NOTCH4: variants seen among roughly 807,000 people sequenced by gnomAD.
NOTCH4 encodes neurogenic locus notch homolog protein 4.
A neutral mutation model predicts 189.0 loss-of-function variants in NOTCH4; 138 were observed. That is an observed-to-expected ratio of 0.73 (90% CI 0.64 to 0.84). The LOEUF (loss-of-function observed/expected upper bound fraction) is 0.84. Ranked by LOEUF, NOTCH4 falls within the 40% of genes least tolerant of loss-of-function variation. NOTCH4 has a pLI of 0.00. For synonymous variants in NOTCH4, 942 were observed against 1,032.8 expected (o/e 0.91, Z 1.69); for missense variants, 2,286 against 2,605.4 (o/e 0.88, Z 2.67).
Position 32,201,283 on chromosome 6 carries a change from C to T in NOTCH4, c.3973G>A (p.Val1325Ile). The change falls in exon 22 of 30, where the codon GTA (valine) becomes ATA (isoleucine). Residue 1325 changes from valine (V) to isoleucine (I), a missense_variant. By Grantham distance (29) the Val-to-Ile change is conservative. Around this residue, in one of 2 missense-constraint regions of NOTCH4, gnomAD observed 1,903 missense variants for 2,261.9 expected, o/e 0.84. Transcript: ENST00000375023. This position sits in a 1 kb window ranked among gnomAD's most constrained non-coding sequence, Gnocchi z 5.5. ...CGATCCTTCCTTACCCAGAGTCCTACCCTCAGAGTCAGGGACAGCACCCGG... is the reference window on the plus strand; with the variant it reads ...CGATCCTTCCTTACCCAGAGTCCTATCCTCAGAGTCAGGGACAGCACCCGG... The part of the protein sequence containing the change: ...LARVLSLTLR[V>I]GLWVRKDRDG... 1 of 1,613,048 alleles carries T rather than the reference C, an allele frequency of 6.2e-7. No homozygotes were observed. Among genetic ancestry groups the T allele is most frequent in the Non-Finnish European group, 8.5e-7 (1 of 1,180,026 alleles).
At chr6:32,215,200 G>T in intron 12 of NOTCH4, 26 bp downstream of exon 12, 1 of 1,567,066 alleles carries the variant, frequency 6.4e-7, no homozygotes, top group Non-Finnish European at 8.6e-7. Context: ...GGAGGGGGCA[G>T]ATGGGGAGGG....
chr6:32,220,516 T>G lies in NOTCH4; in HGVS notation c.1048A>C (p.Thr350Pro). The change falls in exon 6 of 30, where the codon ACA becomes CCA. Residue 350 changes from threonine to proline, a missense_variant. Transcript: ENST00000375023. The stretch of plus-strand genomic sequence containing the variant: ...TCATCCAGGTTCTCCTCACAGCTTG[T>G]GCCGCCCCAGCCACTCACACACACG... ...HCVCVSGWGGTSCEENLDDCI... is the reference protein window; with the variant it reads ...HCVCVSGWGGPSCEENLDDCI... The G allele has an allele frequency of 6.2e-7, 1 of 1,613,452 alleles. No individual in the cohort carries two copies. The highest frequency in any genetic ancestry group is 8.5e-7 in the Non-Finnish European group (1 of 1,180,018).
chr6:32,216,703 C>T (rs1029664426), intron 11 of NOTCH4: 14 of 603,804 alleles, frequency 2.3e-5, no homozygotes, highest in East Asian at 5.6e-5. Flanking sequence ...CTTTGAGCCC[C>T]GTCCTCTGCT....
chr6:32,209,653 G>A (rs997306371), intron 18 of NOTCH4, among the ~76,000 whole-genome samples: 9 of 152,062 alleles, frequency 5.9e-5, no homozygotes, highest in African/African-American at 1.9e-4. Flanking sequence ...CAGGCTGAGC[G>A]GGTGGATCAC....
chr6:32,222,895 C>T (rs2127491568), intron 2 of NOTCH4, 89 bp from the exon 3 acceptor site: 1 of 1,558,566 alleles, frequency 6.4e-7, no homozygotes, highest in Non-Finnish European at 8.8e-7. Context: ...TGTTTCCCTT[C>T]ATCTCCTTCA....
At position 32,199,898 on chromosome 6, in the gene NOTCH4, A is replaced by T. The variant is rs1174911546; in HGVS notation, c.4316-753T>A. Reference sequence around the variant, plus strand: ...TGTCTCAGAAAACAAACACACAAAAAAAGGCTGAGTATCCATAACCCCAAT... The same window carrying T: ...TGTCTCAGAAAACAAACACACAAAATAAGGCTGAGTATCCATAACCCCAAT... On this transcript the variant is annotated intron_variant, in intron 23 of 29. Coordinates refer to ENST00000375023, the MANE Select transcript of NOTCH4 (RefSeq NM_004557.4). The surrounding 1 kb of genome is among the most constrained non-coding windows in gnomAD (Gnocchi z 4.9). Among the ~76,000 whole-genome samples the T allele has an allele frequency of 5.9e-5, 9 of 152,112 alleles. No individual in the cohort carries two copies. Among genetic ancestry groups the T allele is most frequent in the Non-Finnish European group, 1.3e-4 (9 of 68,032 alleles).
At chr6:32,218,165 G>T (rs2127484408) in intron 8 of NOTCH4, 57 bp from the exon 9 acceptor site, 2 of 1,173,808 alleles carry the variant, frequency 1.7e-6, no homozygotes, top group East Asian at 2.5e-5. Context: ...TGGGAGACCT[G>T]TGTTCTAGAA....
chr6:32,220,315 A>G, intron 6 of NOTCH4, 31 bp from the exon 7 acceptor site: 1 of 1,609,608 alleles, frequency 6.2e-7, no homozygotes, highest in Non-Finnish European at 8.5e-7. Flanking sequence ...GAGGCTCTCA[A>G]AGGCCACTTG....
Position 32,195,740 on chromosome 6 carries a change from T to C in NOTCH4, c.5709A>G (p.Val1903=). The stretch of plus-strand genomic sequence containing the variant: ...GAGGGGTCGGGCCTCCTCCTGCTCC[T>C]ACTCCCGAGAGGCTCCGGCAATGAG... ...AYSHCRSLSG[V]GAGGGPTPRG... The change falls in exon 30 of 30, where the codon GTA becomes GTG. Residue 1903 remains valine (V), a synonymous_variant. Transcript: ENST00000375023. The surrounding 1 kb of genome is among the most constrained non-coding windows in gnomAD (Gnocchi z 5.4). 1 of 1,612,530 alleles carries C rather than the reference T, an allele frequency of 6.2e-7. No individual in the cohort carries two copies. The highest frequency in any genetic ancestry group is 8.5e-7 in the Non-Finnish European group (1 of 1,179,886).
At chr6:32,204,900 C>A (rs575409732) in intron 18 of NOTCH4, among the ~76,000 whole-genome samples, 7 of 152,278 alleles carry the variant, frequency 4.6e-5, no homozygotes, top group African/African-American at 1.7e-4. Flanking sequence ...TGGGTTATCT[C>A]ATTCGATTTT....
At position 32,212,175 on chromosome 6, in the gene NOTCH4, A is replaced by G. The variant is rs540935524; in HGVS notation, c.2680+299T>C. On this transcript the variant is annotated intron_variant, in intron 17 of 29. Transcript: ENST00000375023. The surrounding 1 kb of genome is among the most constrained non-coding windows in gnomAD (Gnocchi z 4.4). ...CTCTGCCTGGGTTATGATGATCAGG[A>G]CAGAGTTGAGTTGCTCCACGTTGAG... Among the ~76,000 whole-genome samples, 1 of 152,310 alleles carries G rather than the reference A, an allele frequency of 6.6e-6. No homozygotes were observed. Among genetic ancestry groups the G allele is most frequent in the South Asian group, 2.1e-4 (1 of 4,828 alleles).
rs775494392 is a variant in NOTCH4 at position 32,195,865 on chromosome 6, G to A, written c.5584C>T (p.Arg1862Trp). 6.3e-7 allele frequency: 1 copy of A among 1,594,402 alleles called. No homozygotes were observed. Among genetic ancestry groups the A allele is most frequent in the Non-Finnish European group, 8.5e-7 (1 of 1,177,332 alleles). The change falls in exon 30 of 30, where the codon CGG becomes TGG. Residue 1862 changes from arginine (R) to tryptophan (W), a missense_variant. Arg to Trp is a moderately radical substitution (Grantham distance 101). Transcript: ENST00000375023. The surrounding 1 kb of genome is among the most constrained non-coding windows in gnomAD (Gnocchi z 5.4). ...GGGCCTGCTCCGGCTGACAGCGTCC[G>A]GCAGCGCGGCAGAGCCCCGCCCCCA... The part of the protein sequence containing the change: ...PHGGGALPRC[R>W]TLSAGAGPRG...
chr6:32,196,479 G>T (rs1162922843), intron 28 of NOTCH4, 58 bp from the exon 29 acceptor site: 2 of 1,592,444 alleles, frequency 1.3e-6, no homozygotes, highest in Non-Finnish European at 8.5e-7. Context: ...CTGGGTTCCG[G>T]TTTCCCACGG....
At position 32,195,783 on chromosome 6, in the gene NOTCH4, C is replaced by A. The variant is rs1387916521; in HGVS notation, c.5666G>T (p.Arg1889Leu). 1.2e-6 allele frequency: 2 copies of A among 1,606,928 alleles called. No homozygotes were observed. The highest frequency in any genetic ancestry group is 1.3e-5 in the African/African-American group (1 of 74,906). Residue 1889 changes from arginine (R) to leucine (L), a missense_variant, in exon 30 of 30, where the codon CGG (arginine) becomes CTG (leucine). Physicochemically the swap from Arg to Leu is moderately radical, Grantham distance 102 (BLOSUM62 -2). Transcript: ENST00000375023. This position sits in a 1 kb window ranked among gnomAD's most constrained non-coding sequence, Gnocchi z 5.4. ...ARTWSVDLAA[R>L]GGGAYSHCRS... ...GCAATGAGAATAGGCCCCGCCCCCC[C>A]GCGCAGCCAAGTCTACGGACCAAGT... is the stretch of plus-strand genomic sequence containing the variant.
At chr6:32,205,095 G>A (rs1458778508) in intron 18 of NOTCH4, among the ~76,000 whole-genome samples, 1 of 152,160 alleles carries the variant, frequency 6.6e-6, no homozygotes, top group Non-Finnish European at 1.5e-5. Context: ...TCTGTACCAC[G>A]TGCTGGCTTC....
At position 32,202,309 on chromosome 6, in the gene NOTCH4, T is replaced by C. The variant is rs892328659; in HGVS notation, c.3522A>G (p.Gly1174=). 3.4e-5 allele frequency: 55 copies of C among 1,612,088 alleles called. No homozygotes were observed. The highest frequency in any genetic ancestry group is 4.2e-5 in the Non-Finnish European group (49 of 1,179,420). ...CACTTCTGCCCTCACACCCCTTGGC[T>C]CCGGGTTTCTGACACCGGGGCCCTG... The part of the protein sequence containing the change: ...SSPGPRCQKP[G]AKGCEGRSGD... Residue 1174 remains glycine (G), a synonymous_variant, in exon 21 of 30, where the codon GGA becomes GGG. Coordinates refer to ENST00000375023, the MANE Select transcript of NOTCH4 (RefSeq NM_004557.4). The surrounding 1 kb of genome is among the most constrained non-coding windows in gnomAD (Gnocchi z 5.7).
rs1788188971 is a variant in NOTCH4 at position 32,199,339 on chromosome 6, G to A, written c.4316-194C>T. 6.6e-6 allele frequency among the ~76,000 whole-genome samples: 1 copy of A among 152,232 alleles called. No individual in the cohort carries two copies. On this transcript the variant is annotated intron_variant, in intron 23 of 29. Coordinates refer to ENST00000375023, the MANE Select transcript of NOTCH4 (RefSeq NM_004557.4). The surrounding 1 kb of genome is among the most constrained non-coding windows in gnomAD (Gnocchi z 4.9). ...CCCAGCACTTTGGGAAGCTGAGGCAGGTGGATCATATGAGGCCAGGAGTTC... is the reference window on the plus strand; with the variant it reads ...CCCAGCACTTTGGGAAGCTGAGGCAAGTGGATCATATGAGGCCAGGAGTTC...
rs1295667506 is a variant in NOTCH4, at chr6:32,197,310, C to T, written c.5041G>A (p.Glu1681Lys). The T allele has an allele frequency of 6.6e-7, 1 of 1,525,770 alleles. No homozygotes were observed. The highest frequency in any genetic ancestry group is 1.4e-5 in the African/African-American group (1 of 72,360). 94.5% of individuals were successfully genotyped at this position (1,525,770 alleles called of 1,614,324 possible). Residue 1681 changes from glutamate (E) to lysine (K), a missense_variant, in exon 27 of 30, where the codon GAG becomes AAG. Coordinates refer to ENST00000375023, the MANE Select transcript of NOTCH4 (RefSeq NM_004557.4). ...LHAAVAADAR[E>K]VCQLLLRSRQ... ...CAGTGTGTGCTAACCTGGCAGACCTCCCGAGCATCAGCAGCCACAGCAGCA... is the reference window on the plus strand; with the variant it reads ...CAGTGTGTGCTAACCTGGCAGACCTTCCGAGCATCAGCAGCCACAGCAGCA...
chr6:32,211,065 C>G (rs1788985482), intron 17 of NOTCH4, 129 bp from the exon 18 acceptor site: 1 of 820,260 alleles, frequency 1.2e-6, no homozygotes. Context: ...GTGAGACCAG[C>G]CTGGCAAACA....
Sources: allele counts gnomAD v4.1 joint callset (sites outside exome capture counted in the v4.1 genomes callset), GRCh38; gene constraint gnomAD v4.1.1; regional missense constraint gnomAD v4.1.1; non-coding constraint Gnocchi (gnomAD v3.1); transcripts MANE v1.5; gene names NCBI Gene and HGNC (gene_info 2026-07-23, HGNC 2026-07-21).